The following HOOK3 variants were observed in gnomAD, a reference collection of about 807,000 sequenced individuals.
HOOK3 encodes hook microtubule tethering protein 3.
Under a neutral mutation model 116.3 loss-of-function variants are expected in HOOK3, and 24 were observed. The ratio of observed to expected loss-of-function variants is 0.21; its 90% CI spans 0.15 to 0.29. HOOK3 has a LOEUF of 0.29. Among genes scored for constraint, HOOK3 ranks in the 10% least tolerant of loss-of-function variants. The pLI, the probability that HOOK3 is intolerant of heterozygous loss-of-function variation, is 1.00. For missense variants in HOOK3, 632 were observed against 830.2 expected (o/e 0.76, Z 2.93); for synonymous variants, 275 against 283.0 (o/e 0.97, Z 0.28).
chr8:42,958,596 G>GTTTTTTTTT (rs71550434), intron 7 of HOOK3, among the ~76,000 whole-genome samples: 6 of 106,352 alleles, frequency 5.6e-5, no homozygotes, highest in African/African-American at 1.4e-4. Context: ...GTTTTTGATA[G>GTTTTTTTTT]TTTTTTTTTT....
chr8:42,922,056 C>T (rs185014155), intron 2 of HOOK3, among the ~76,000 whole-genome samples: 26 of 152,296 alleles, frequency 1.7e-4, no homozygotes, highest in African/African-American at 6.0e-4. Flanking sequence ...TGATTATCCA[C>T]GTGCTAAACA....
chr8:42,950,947 A>T (rs1455467421), intron 6 of HOOK3, among the ~76,000 whole-genome samples: 2 of 152,224 alleles, frequency 1.3e-5, no homozygotes, highest in Non-Finnish European at 2.9e-5. Flanking sequence ...GGCCTCCCAA[A>T]GTGCTGGGAT....
At chr8:42,899,676 T>C (rs778008185) in intron 1 of HOOK3, among the ~76,000 whole-genome samples, 19 of 152,196 alleles carry the variant, frequency 1.2e-4, no homozygotes, top group Non-Finnish European at 2.6e-4. Flanking sequence ...GTTTTCTTGA[T>C]TTTATGTCAG....
chr8:43,013,518 AAC>A, intron 21 of HOOK3, 118 bp downstream of exon 21: 1 of 728,278 alleles, frequency 1.4e-6, no homozygotes, highest in Non-Finnish European at 2.1e-6. Flanking sequence ...CTGCTATCCT[AAC>A]ATACACTAAC....
intron 4 of HOOK3, 73 bp downstream of exon 4, chr8:42,930,245 A>AT (rs1563293609): frequency 7.7e-7 from 1 of 1,291,074 alleles, no homozygotes; most frequent in Non-Finnish European, 1.0e-6. Flanking sequence ...GTTTCAAGTT[A>AT]AGGAAAAATT....
Position 42,986,783 on chromosome 8 carries a change from A to G in HOOK3, c.1520A>G (p.Glu507Gly). The change falls in exon 15 of 22, where the codon GAG (glutamate) becomes GGG (glycine). Residue 507 changes from glutamate to glycine, a missense_variant. By Grantham distance (98) the Glu-to-Gly change is moderately conservative. Transcript: ENST00000307602. ...GCAAATCTACGCAAGAATGAACTGG[A>G]GACAGAGAATAGGTAGAGTATTATA... is the stretch of plus-strand genomic sequence containing the variant. ...DDANLRKNEL[E>G]TENRLVNQRL... 1 of 1,613,554 alleles carries G rather than the reference A, an allele frequency of 6.2e-7. No individual in the cohort carries two copies. The highest frequency in any genetic ancestry group is 8.5e-7 in the Non-Finnish European group (1 of 1,179,782).
At chr8:43,003,515 T>G (rs189956896) in intron 17 of HOOK3, among the ~76,000 whole-genome samples, 15 of 152,360 alleles carry the variant, frequency 9.8e-5, no homozygotes, top group Admixed American at 8.5e-4. Context: ...CTGACCATTA[T>G]TCTGTGCGCA....
intron 4 of HOOK3, among the ~76,000 whole-genome samples, chr8:42,931,657 C>A (rs977285022): frequency 6.6e-6 from 1 of 151,808 alleles, no homozygotes; most frequent in African/African-American, 2.4e-5. Flanking sequence ...TGGTCTCGAT[C>A]TCCTGACCTC....
intron 19 of HOOK3, among the ~76,000 whole-genome samples, chr8:43,011,020 T>C (rs1347707136): frequency 1.3e-5 from 2 of 150,862 alleles, no homozygotes; most frequent in Admixed American, 1.3e-4. Context: ...TGAGATGGAG[T>C]CTCGCTCTGT....
chr8:42,961,175 C>A (rs1008619476), intron 8 of HOOK3, among the ~76,000 whole-genome samples: 11 of 152,222 alleles, frequency 7.2e-5, no homozygotes, highest in Non-Finnish European at 1.6e-4. Context: ...ACACCTCCCA[C>A]CAGGCCCCAC....
chr8:42,909,358 C>T (rs1483691157), intron 2 of HOOK3, among the ~76,000 whole-genome samples: 1 of 152,224 alleles, frequency 6.6e-6, no homozygotes, highest in Non-Finnish European at 1.5e-5. Context: ...TTTCTTGCAG[C>T]ATTATTCAAG....
At chr8:42,993,724 A>T (rs990186162) in intron 15 of HOOK3, among the ~76,000 whole-genome samples, 2 of 152,126 alleles carry the variant, frequency 1.3e-5, no homozygotes, top group East Asian at 3.9e-4. Flanking sequence ...TCATGATTCA[A>T]TCTTGGTAGA....
At chr8:42,897,299 CG>C in intron 1 of HOOK3, 111 bp downstream of exon 1, 3 of 520,746 alleles carry the variant, frequency 5.8e-6, no homozygotes, top group Non-Finnish European at 8.2e-6. Flanking sequence ...CCGTCACATC[CG>C]GGGCCTGGGG....
rs897033675 is a variant in HOOK3 at position 42,925,541 on chromosome 8, T to G, written c.144-16T>G. On this transcript the variant is annotated splice_polypyrimidine_tract_variant and intron_variant, in intron 2 of 21. Transcript: ENST00000307602. ...GCTACATGATTTTAATATGTAAGCT[T>G]TTTCTTATTTTGCAGAGATCCTGCA... 7.7e-6 allele frequency: 12 copies of G among 1,554,698 alleles called. No individual in the cohort carries two copies. Among genetic ancestry groups the G allele is most frequent in the Non-Finnish European group, 9.6e-6 (11 of 1,142,118 alleles).
At chr8:42,924,573 A>T (rs1269805619) in intron 2 of HOOK3, among the ~76,000 whole-genome samples, 1 of 152,202 alleles carries the variant, frequency 6.6e-6, no homozygotes, top group Non-Finnish European at 1.5e-5. Flanking sequence ...AGAAATCAGA[A>T]TTTAGTGATG....
At chr8:42,967,680 A>G (rs147281538) in intron 10 of HOOK3, among the ~76,000 whole-genome samples, 18 of 151,870 alleles carry the variant, frequency 1.2e-4, no homozygotes, top group African/African-American at 4.3e-4. Context: ...CCTCAACCCC[A>G]CTATCTGCCC....
In HOOK3 at chr8:43,015,251, G is replaced by T. The variant is rs569907610; in HGVS notation, c.2016+1851G>T. Reference sequence around the variant, plus strand: ...TTATTGACAAATATAGGCTATGCACGATGGCTCACACCTGTAATCCCAGCA... The same window carrying T: ...TTATTGACAAATATAGGCTATGCACTATGGCTCACACCTGTAATCCCAGCA... On this transcript the variant is annotated intron_variant, in intron 21 of 21. Coordinates refer to ENST00000307602, the MANE Select transcript of HOOK3 (RefSeq NM_032410.4). 2.6e-5 allele frequency among the ~76,000 whole-genome samples: 4 copies of T among 152,218 alleles called. No homozygotes were observed. The East Asian group carries it at 7.7e-4, about 29-fold the overall frequency.
chr8:42,920,899 A>T (rs1312269251), intron 2 of HOOK3, among the ~76,000 whole-genome samples: 1 of 152,180 alleles, frequency 6.6e-6, no homozygotes, highest in Non-Finnish European at 1.5e-5. Flanking sequence ...TATAATACAG[A>T]TGTTACTGGT....
At chr8:42,997,806 G>C (rs776302036) in intron 16 of HOOK3, 169 bp downstream of exon 16, 10 of 557,864 alleles carry the variant, frequency 1.8e-5, no homozygotes, top group Non-Finnish European at 3.3e-5. Flanking sequence ...GGACCAGATA[G>C]TACTTTATTG....
Sources: gnomAD v4.1 joint callset for allele counts (sites outside exome capture counted in the v4.1 genomes callset) on GRCh38, gnomAD v4.1.1 for gene constraint, MANE v1.5 for transcripts, NCBI Gene and HGNC (gene_info 2026-07-23, HGNC 2026-07-21) for gene names.